Variants in ITSN1 observed in about 807,000 individuals in gnomAD.
The protein encoded by ITSN1 is intersectin-1.
ITSN1 carries 58 observed loss-of-function variants against 239.8 expected under a neutral mutation model. The observed-to-expected ratio is 0.24, with a 90% CI of 0.20 to 0.30. ITSN1 has a LOEUF of 0.30. Ranked by LOEUF, ITSN1 falls within the 10% of genes least tolerant of loss-of-function variation. The pLI is 1.00. For missense variants in ITSN1, 1,558 were observed against 2,103.3 expected (o/e 0.74, Z 5.07); for synonymous variants, 780 against 770.8 (o/e 1.01, Z -0.20).
chr21:33,654,880 C>G (rs888665708), intron 1 of ITSN1, among the ~76,000 whole-genome samples: 1 of 152,198 alleles, frequency 6.6e-6, no homozygotes, highest in African/African-American at 2.4e-5. Context: ...TGTTCTTGGT[C>G]CAGCTGCATT....
intron 33 of ITSN1, among the ~76,000 whole-genome samples, chr21:33,873,254 C>T (rs760974742): frequency 2.0e-5 from 3 of 152,206 alleles, no homozygotes; most frequent in South Asian, 2.1e-4. Flanking sequence ...CACGGTATGC[C>T]TTTGGGATAA....
At chr21:33,786,801 G>A (rs1451283946) in intron 16 of ITSN1, among the ~76,000 whole-genome samples, 2 of 152,166 alleles carry the variant, frequency 1.3e-5, no homozygotes, top group Non-Finnish European at 2.9e-5. Context: ...GTGAATGGCC[G>A]TTTACATTTG....
At chr21:33,885,633 TCTC>T in intron 38 of ITSN1, 111 bp downstream of exon 38, 1 of 808,270 alleles carries the variant, frequency 1.2e-6, no homozygotes, top group Non-Finnish European at 2.1e-6. Context: ...TACTCCCTGA[TCTC>T]CTTCCAGAAT....
intron 21 of ITSN1, among the ~76,000 whole-genome samples, chr21:33,811,510 A>C (rs2072914872): frequency 6.6e-6 from 1 of 152,222 alleles, no homozygotes; most frequent in African/African-American, 2.4e-5. Context: ...GAAGTGGAGA[A>C]ATACAGTTTC....
intron 33 of ITSN1, among the ~76,000 whole-genome samples, chr21:33,870,401 TTTGCAGAAACACGA>T (rs1219780155): frequency 2.0e-5 from 3 of 152,206 alleles, no homozygotes. Context: ...AAACTCATTA[TTTGCAGAAACACGA>T]TTGATTTCTT....
At chr21:33,740,119 T>C (rs954880084) in intron 5 of ITSN1, among the ~76,000 whole-genome samples, 4 of 152,188 alleles carry the variant, frequency 2.6e-5, no homozygotes, top group Non-Finnish European at 2.9e-5. Context: ...AAGTGTATAC[T>C]GAGATGGGGA....
In ITSN1 at chr21:33,774,973, T is replaced by C. The variant is rs1322360771; in HGVS notation, c.1461T>C (p.Asp487=). 6.2e-7 allele frequency: 1 copy of C among 1,611,254 alleles called. No homozygotes were observed. Among genetic ancestry groups the C allele is most frequent in the African/African-American group, 1.3e-5 (1 of 74,728 alleles). The change falls in exon 14 of 40, where the codon GAT becomes GAC. Residue 487 remains aspartate (D), a synonymous_variant. Coordinates refer to ENST00000381318, the MANE Select transcript of ITSN1 (RefSeq NM_003024.3). ...TLEFELEALN[D]KKHQLEGKLQ... is the part of the protein sequence containing the mutation. ...TTATCTTTCATTTGTTCAAGAATGA[T>C]AAAAAGCATCAACTAGAAGGGAAAC...
At chr21:33,665,703 A>G (rs1347364760) in intron 1 of ITSN1, among the ~76,000 whole-genome samples, 2 of 152,240 alleles carry the variant, frequency 1.3e-5, no homozygotes, top group African/African-American at 4.8e-5. Context: ...ATTATTTACC[A>G]TAGCCAAAAG....
chr21:33,700,561 C>T (rs575200598), intron 1 of ITSN1, among the ~76,000 whole-genome samples: 2 of 152,248 alleles, frequency 1.3e-5, no homozygotes, highest in East Asian at 3.9e-4. Flanking sequence ...GAAAGCAAGC[C>T]TAATCCGTTT....
intron 27 of ITSN1, among the ~76,000 whole-genome samples, chr21:33,832,056 G>A (rs2148374791): frequency 6.6e-6 from 1 of 152,288 alleles, no homozygotes; most frequent in Non-Finnish European, 1.5e-5. Context: ...CCTGCCAGGG[G>A]AAGGCTTCCT....
intron 7 of ITSN1, among the ~76,000 whole-genome samples, chr21:33,753,671 A>T (rs1263378841): frequency 6.8e-6 from 1 of 147,690 alleles, no homozygotes; most frequent in East Asian, 2.1e-4. Flanking sequence ...CTGAGGCAAG[A>T]GAATTGCTTG....
rs941479108 is a variant in ITSN1 at position 33,837,372 on chromosome 21, A to T, written c.3661+740A>T. ...TTTTAATAAACAAAATAAATAAATG[A>T]CTTCTTTGCTATTTTGGTTTTGCAA... On this transcript the variant is annotated intron_variant, in intron 29 of 39. Transcript: ENST00000381318. 4.0e-6 allele frequency: 4 copies of T among 996,394 alleles called. No individual in the cohort carries two copies. In the Admixed American group the frequency reaches 1.8e-4, roughly 44 times the overall value. The allele number at this position is 996,394 out of a possible 1,614,324, so 61.7% of individuals were successfully genotyped here.
chr21:33,753,311 A>G lies in ITSN1; in HGVS notation c.623+1405A>G, dbSNP rs74605601. ...CTTTGCCAGGCACATCATTAATCCT[A>G]TTCAACCCCATAGCTACCTATGCAG... On this transcript the variant is annotated intron_variant, in intron 7 of 39. Transcript: ENST00000381318. Among the ~76,000 whole-genome samples the G allele has an allele frequency of 5.3e-3, 809 of 152,332 alleles. 4 individuals are homozygous for G. The highest frequency in any genetic ancestry group is 8.1e-3 in the Non-Finnish European group (554 of 68,040).
intron 1 of ITSN1, among the ~76,000 whole-genome samples, chr21:33,690,818 T>A (rs1399618113): frequency 2.5e-5 from 1 of 40,304 alleles, no homozygotes; most frequent in Non-Finnish European, 4.6e-5. Context: ...TATATATGTA[T>A]ATATATATAT....
chr21:33,837,626 T>C, intron 29 of ITSN1: 2 of 985,950 alleles, frequency 2.0e-6, no homozygotes, highest in Non-Finnish European at 2.4e-6. Context: ...TGTTTGTGTG[T>C]ATCAGCTGTA....
intron 16 of ITSN1, among the ~76,000 whole-genome samples, chr21:33,784,399 A>G (rs1248498902): frequency 2.0e-5 from 3 of 151,442 alleles, no homozygotes; most frequent in Non-Finnish European, 4.4e-5. Context: ...GCTACTTGGG[A>G]AGCTGAGGTC....
chr21:33,852,262 A>G (rs1978464120), intron 29 of ITSN1, among the ~76,000 whole-genome samples: 1 of 152,172 alleles, frequency 6.6e-6, no homozygotes. Flanking sequence ...TCATACAGGA[A>G]CAAGGTCTGT....
At chr21:33,714,448 G>A (rs759216519) in intron 1 of ITSN1, among the ~76,000 whole-genome samples, 1 of 152,296 alleles carries the variant, frequency 6.6e-6, no homozygotes, top group African/African-American at 2.4e-5. Flanking sequence ...TTCACCTAGG[G>A]TGAGAATTAT....
At chr21:33,781,400 C>G in intron 14 of ITSN1, 61 bp from the exon 15 acceptor site, 1 of 894,646 alleles carries the variant, frequency 1.1e-6, no homozygotes, top group Non-Finnish European at 1.9e-6. Flanking sequence ...CTGCCTGGAT[C>G]TTAATGTAGA....
Sources: allele counts gnomAD v4.1 joint callset (sites outside exome capture counted in the v4.1 genomes callset), GRCh38; gene constraint gnomAD v4.1.1; transcripts MANE v1.5; gene names NCBI Gene and HGNC (gene_info 2026-07-23, HGNC 2026-07-21).